Variants in SLC12A7 observed in about 807,000 individuals in gnomAD.
SLC12A7 encodes K-Cl cotransporter 4.
In SLC12A7, 100 loss-of-function variants were observed where a neutral mutation model predicts 120.6. That is an observed-to-expected ratio of 0.83 (90% CI 0.71 to 0.98). The LOEUF is 0.98. SLC12A7 is among the 50% of genes least tolerant of loss of function. SLC12A7 has a pLI of 0.00. For missense variants in SLC12A7, 1,373 were observed against 1,548.1 expected (o/e 0.89, Z 1.90); for synonymous variants, 760 against 678.0 (o/e 1.12, Z -1.88).
the SLC12A7 span, among the ~76,000 whole-genome samples, chr5:1,144,962 C>T: frequency 1.3e-5 from 2 of 152,222 alleles, no homozygotes; most frequent in African/African-American, 2.4e-5. Context: ...TTACTGCATC[C>T]GAGGAAGGAA....
At chr5:1,074,763 G>A (rs1399392535) in intron 15 of SLC12A7, 92 bp from the exon 16 acceptor site, 2 of 1,162,368 alleles carry the variant, frequency 1.7e-6, no homozygotes, top group East Asian at 2.5e-5. Context: ...AGGTGAGTTG[G>A]GGCAAACAGG....
Position 1,074,591 on chromosome 5 carries a change from C to A in SLC12A7, c.2048G>T (p.Gly683Val). The A allele has an allele frequency of 6.2e-7, 1 of 1,612,604 alleles. No individual in the cohort carries two copies. Among genetic ancestry groups the A allele is most frequent in the Non-Finnish European group, 8.5e-7 (1 of 1,179,772 alleles). The stretch of plus-strand genomic sequence containing the variant: ...CCTCCAGTTCTTGGTGTGGGGGGGA[C>A]CGTGCTCCACGCGCAGCAGGGCGTA... Reference protein sequence around the residue: ...ARYALLRVEHGPPHTKNWRPQ... With the variant: ...ARYALLRVEHVPPHTKNWRPQ... The change falls in exon 16 of 24, where the codon GGT becomes GTT. Residue 683 changes from glycine (G) to valine (V), a missense_variant. Physicochemically the swap from Gly to Val is moderately radical, Grantham distance 109 (BLOSUM62 -3). Transcript: ENST00000264930.
intron 3 of SLC12A7, among the ~76,000 whole-genome samples, chr5:1,091,837 G>A (rs928613045): frequency 6.6e-6 from 1 of 152,094 alleles, no homozygotes; most frequent in Non-Finnish European, 1.5e-5. Flanking sequence ...GAAAGGTGCT[G>A]AGTGCTGAGC....
intron 22 of SLC12A7, among the ~76,000 whole-genome samples, chr5:1,055,535 G>A (rs537721577): frequency 6.6e-6 from 1 of 152,324 alleles, no homozygotes; most frequent in South Asian, 2.1e-4. Context: ...TGGGCCAAGA[G>A]AGTCAATGCC....
chr5:1,100,045 C>T (rs1387375456), intron 1 of SLC12A7, among the ~76,000 whole-genome samples: 1 of 152,238 alleles, frequency 6.6e-6, no homozygotes, highest in Non-Finnish European at 1.5e-5. Context: ...AAGAAGAAGG[C>T]ATGGCATTTC....
the SLC12A7 span, among the ~76,000 whole-genome samples, chr5:1,126,763 A>G: frequency 4.6e-5 from 7 of 152,236 alleles, no homozygotes; most frequent in Non-Finnish European, 8.8e-5. Flanking sequence ...GAACTAAATT[A>G]TAATGAAAAT....
intron 21 of SLC12A7, among the ~76,000 whole-genome samples, chr5:1,058,481 T>C (rs1008015431): frequency 3.3e-5 from 5 of 152,248 alleles, no homozygotes; most frequent in Non-Finnish European, 5.9e-5. Flanking sequence ...GAGCCCCGCC[T>C]GAGTTTGTGA....
chr5:1,110,105 G>A (rs531630453), intron 1 of SLC12A7, among the ~76,000 whole-genome samples: 57 of 152,386 alleles, frequency 3.7e-4, no homozygotes, highest in African/African-American at 1.3e-3. Flanking sequence ...GTGATCAAGT[G>A]GATTCCGAAG....
At position 1,096,354 on chromosome 5, in the gene SLC12A7, C is replaced by T. The variant is rs79290292; in HGVS notation, c.125-2106G>A. The stretch of plus-strand genomic sequence containing the variant: ...CAAGGGCAGATGGGCGTTCTCCACA[C>T]TGGTCTTGCAACCTTTCTGAAATCT... On this transcript the variant is annotated intron_variant, in intron 1 of 23. Transcript: ENST00000264930. Among the ~76,000 whole-genome samples the T allele has an allele frequency of 3.7e-3, 565 of 152,310 alleles. 1 individual carries two copies. Among genetic ancestry groups the T allele is most frequent in the African/African-American group, 0.013 (523 of 41,578 alleles).
At chr5:1,114,186 A>G (rs1743222923), upstream of SLC12A7, among the ~76,000 whole-genome samples, 1 of 152,154 alleles carries the variant, frequency 6.6e-6, no homozygotes, top group African/African-American at 2.4e-5. Flanking sequence ...GTGATTACAA[A>G]ATCTTGACTA....
Position 1,077,987 on chromosome 5 carries a change from C to T in SLC12A7, c.1475G>A (p.Gly492Glu). ...GGCCAGCATGCCGATGACCAGGTTC[C>T]CCTGCAGGGCCTCCCCGAACCTGCA... ...LRDKFGEALQ[G>E]NLVIGMLAWP... The change falls in exon 12 of 24, where the codon GGG becomes GAG. Residue 492 changes from glycine to glutamate, a missense_variant. Coordinates refer to ENST00000264930, the MANE Select transcript of SLC12A7 (RefSeq NM_006598.3). 1 of 1,579,950 alleles carries T rather than the reference C, an allele frequency of 6.3e-7. No homozygotes were observed. Among genetic ancestry groups the T allele is most frequent in the Non-Finnish European group, 8.6e-7 (1 of 1,164,088 alleles).
chr5:1,098,561 T>A (rs77278090), intron 1 of SLC12A7, among the ~76,000 whole-genome samples: 1 of 52,418 alleles, frequency 1.9e-5, no homozygotes, highest in Admixed American at 2.0e-4. Flanking sequence ...AACCCTCTGC[T>A]CACCAAGCCC....
At chr5:1,060,957 CCA>C (rs1221329798) in intron 20 of SLC12A7, among the ~76,000 whole-genome samples, 1 of 152,076 alleles carries the variant, frequency 6.6e-6, no homozygotes, top group East Asian at 1.9e-4. Flanking sequence ...CCCGGAACAT[CCA>C]CAGTGTGGGA....
chr5:1,150,626 C>A, the SLC12A7 span, among the ~76,000 whole-genome samples: 3 of 152,370 alleles, frequency 2.0e-5, no homozygotes, highest in Admixed American at 6.5e-5. Flanking sequence ...GATGGACATG[C>A]GTTCAAGCAT....
the SLC12A7 span, among the ~76,000 whole-genome samples, chr5:1,128,774 G>A: frequency 6.6e-6 from 1 of 152,172 alleles, no homozygotes; most frequent in South Asian, 2.1e-4. Flanking sequence ...AATGGGAGTG[G>A]CCCCAAGTGC....
intron 6 of SLC12A7, 113 bp from the exon 7 acceptor site, chr5:1,085,586 C>G: frequency 7.1e-7 from 1 of 1,406,288 alleles, no homozygotes; most frequent in Non-Finnish European, 9.5e-7. Flanking sequence ...GGTGCCGGGG[C>G]CATCGGGACG....
At chr5:1,109,099 C>T (rs569049976) in intron 1 of SLC12A7, among the ~76,000 whole-genome samples, 5 of 152,188 alleles carry the variant, frequency 3.3e-5, no homozygotes, top group Non-Finnish European at 5.9e-5. Flanking sequence ...GAGCCCCAGA[C>T]GAGTGGAAGT....
intron 10 of SLC12A7, 88 bp from the exon 11 acceptor site, chr5:1,078,846 G>GGGGGGGGGGGGGGGGGGC: frequency 2.4e-6 from 1 of 415,106 alleles, no homozygotes; most frequent in Non-Finnish European, 4.9e-6. Flanking sequence ...GGTGGGTGGG[G>GGGGGGGGGGGGGGGGGGC]AGATGCACTG....
At chr5:1,139,396 C>G in the SLC12A7 span, among the ~76,000 whole-genome samples, 9 of 152,282 alleles carry the variant, frequency 5.9e-5, no homozygotes, top group Non-Finnish European at 1.2e-4. Context: ...TACATCCTCA[C>G]GAGGGCCCTG....
Sources: allele counts gnomAD v4.1 joint callset (sites outside exome capture counted in the v4.1 genomes callset), GRCh38; gene constraint gnomAD v4.1.1; transcripts MANE v1.5; gene names NCBI Gene and HGNC (gene_info 2026-07-23, HGNC 2026-07-21).